The following QTMAN variants were observed in gnomAD, a reference collection of about 807,000 sequenced individuals.
QTMAN encodes queuosine-tRNA mannosyltransferase, also known as tRNA-queuosine alpha-mannosyltransferase.
chr2:144,023,863 T>C, the QTMAN span, among the ~76,000 whole-genome samples: 5 of 152,246 alleles, frequency 3.3e-5, no homozygotes, highest in African/African-American at 9.6e-5. Flanking sequence ...TTCTTGTAAC[T>C]GAAAAAGGTA....
chr2:144,301,529 C>T, the QTMAN span, among the ~76,000 whole-genome samples: 3 of 152,104 alleles, frequency 2.0e-5, no homozygotes, highest in East Asian at 3.8e-4. Flanking sequence ...GGCCTTGTAG[C>T]TTCAAGAAAA....
the QTMAN span, among the ~76,000 whole-genome samples, chr2:144,250,258 C>T: frequency 8.7e-4 from 132 of 152,088 alleles, no homozygotes; most frequent in African/African-American, 3.0e-3. Flanking sequence ...ATTCTCCTGC[C>T]TCAGCCTCCC....
chr2:144,082,643 A>T, the QTMAN span, among the ~76,000 whole-genome samples: 1 of 152,158 alleles, frequency 6.6e-6, no homozygotes, highest in African/African-American at 2.4e-5. Context: ...AGCCCTTAGC[A>T]GTGATTTTGT....
At chr2:144,275,924 C>T in the QTMAN span, among the ~76,000 whole-genome samples, 4 of 152,148 alleles carry the variant, frequency 2.6e-5, no homozygotes, top group Non-Finnish European at 5.9e-5. Context: ...CTCTCGCTAA[C>T]TATAACAGGG....
the QTMAN span, among the ~76,000 whole-genome samples, chr2:143,968,394 A>G: frequency 6.6e-6 from 1 of 151,736 alleles, no homozygotes; most frequent in Non-Finnish European, 1.5e-5. Flanking sequence ...CTCAGTAAGT[A>G]TGTGTGGAAG....
At chr2:144,049,440 T>C in the QTMAN span, among the ~76,000 whole-genome samples, 1 of 152,188 alleles carries the variant, frequency 6.6e-6, no homozygotes, top group Non-Finnish European at 1.5e-5. Context: ...GAGCAATATA[T>C]TTATTTTAAT....
At chr2:144,112,817 G>C in the QTMAN span, among the ~76,000 whole-genome samples, 1 of 152,160 alleles carries the variant, frequency 6.6e-6, no homozygotes, top group African/African-American at 2.4e-5. Context: ...ACTTAATGGA[G>C]AGTTGAGACT....
At chr2:144,241,363 A>C in the QTMAN span, among the ~76,000 whole-genome samples, 1 of 152,196 alleles carries the variant, frequency 6.6e-6, no homozygotes, top group Non-Finnish European at 1.5e-5. Flanking sequence ...TCAGCTCTCT[A>C]AACTTCTTCC....
chr2:143,994,026 T>C, the QTMAN span, among the ~76,000 whole-genome samples: 1 of 152,208 alleles, frequency 6.6e-6, no homozygotes, highest in African/African-American at 2.4e-5. Context: ...CATTTTATCT[T>C]TGAATTCCTG....
the QTMAN span, among the ~76,000 whole-genome samples, chr2:144,030,721 A>G: frequency 7.2e-5 from 11 of 152,178 alleles, no homozygotes; most frequent in Non-Finnish European, 1.2e-4. Flanking sequence ...CAGTAAAATA[A>G]TATGTGTCAA....
At chr2:143,981,361 A>C in the QTMAN span, among the ~76,000 whole-genome samples, 1 of 152,202 alleles carries the variant, frequency 6.6e-6, no homozygotes, top group African/African-American at 2.4e-5. Context: ...TAAATGGAGA[A>C]TTAAACATGG....
the QTMAN span, among the ~76,000 whole-genome samples, chr2:144,024,149 A>AGAATTAG: frequency 6.6e-6 from 1 of 152,116 alleles, no homozygotes; most frequent in Middle Eastern, 3.2e-3. Flanking sequence ...ATTCCAACAG[A>AGAATTAG]GAATTATGGG....
At chr2:144,072,514 G>A in the QTMAN span, among the ~76,000 whole-genome samples, 1 of 152,178 alleles carries the variant, frequency 6.6e-6, no homozygotes, top group Non-Finnish European at 1.5e-5. Context: ...AACTTGACTT[G>A]TCCAAGGTCA....
the QTMAN span, chr2:143,942,428 G>C: frequency 6.0e-6 from 1 of 167,504 alleles, no homozygotes; most frequent in Admixed American, 6.5e-5. Flanking sequence ...CAAAGACCAC[G>C]ATTCGCTCCT....
the QTMAN span, among the ~76,000 whole-genome samples, chr2:144,227,035 A>G: frequency 6.6e-6 from 1 of 152,290 alleles, no homozygotes; most frequent in Admixed American, 6.5e-5. Context: ...TGTGTATTAA[A>G]AAGTATAAAG....
At chr2:144,141,750 G>A in the QTMAN span, 1 of 617,540 alleles carries the variant, frequency 1.6e-6, no homozygotes, top group African/African-American at 1.8e-5. Flanking sequence ...ACAGCATGGT[G>A]AGATAGAACT....
the QTMAN span, among the ~76,000 whole-genome samples, chr2:144,213,734 C>A: frequency 6.6e-6 from 1 of 152,106 alleles, no homozygotes; most frequent in Non-Finnish European, 1.5e-5. Context: ...TTTTGATTTA[C>A]CTATATGCAA....
At chr2:144,251,614 A>G in the QTMAN span, among the ~76,000 whole-genome samples, 1 of 152,278 alleles carries the variant, frequency 6.6e-6, no homozygotes, top group East Asian at 1.9e-4. Flanking sequence ...AAAACATAAA[A>G]CTATAAACCT....
the QTMAN span, among the ~76,000 whole-genome samples, chr2:144,017,612 T>G: frequency 6.6e-6 from 1 of 152,210 alleles, no homozygotes; most frequent in South Asian, 2.1e-4. Context: ...AAAAGTCTTT[T>G]CTATAAGAAT....
Sources: allele counts gnomAD v4.1 joint callset (sites outside exome capture counted in the v4.1 genomes callset), GRCh38; gene constraint gnomAD v4.1.1; transcripts MANE v1.5; gene names NCBI Gene and HGNC (gene_info 2026-07-23, HGNC 2026-07-21).